LVRN: variants seen among roughly 807,000 people sequenced by gnomAD.
LVRN encodes the protein laeverin.
Under a neutral mutation model 111.4 loss-of-function variants are expected in LVRN, and 99 were observed. The observed-to-expected ratio is 0.89, with a 90% CI of 0.76 to 1.05. The LOEUF is 1.05. Among genes scored for constraint, LVRN ranks in the 50% least tolerant of loss-of-function variants. The pLI is 0.00. For synonymous variants in LVRN, 488 were observed against 449.5 expected (o/e 1.09, Z -1.08); for missense variants, 1,414 against 1,206.8 (o/e 1.17, Z -2.54).
intron 6 of LVRN, among the ~76,000 whole-genome samples, chr5:115,997,606 G>T (rs1748143659): frequency 6.6e-6 from 1 of 151,778 alleles, no homozygotes; most frequent in Admixed American, 6.6e-5. Flanking sequence ...TGAAGCTGCG[G>T]CGAGCTATGA....
chr5:115,978,857 T>C (rs1026826580), intron 1 of LVRN, among the ~76,000 whole-genome samples: 2 of 152,194 alleles, frequency 1.3e-5, no homozygotes, highest in African/African-American at 4.8e-5. Flanking sequence ...GACTTCTTAC[T>C]TGAGCTGGCA....
chr5:116,022,467 G>T lies in LVRN; in HGVS notation c.2832+1G>T, dbSNP rs1175866972. On this transcript the variant is annotated splice_donor_variant, in intron 19 of 19. Coordinates refer to ENST00000357872, the MANE Select transcript of LVRN (RefSeq NM_173800.5). LOFTEE classifies it high-confidence loss of function. ...AACTACAGATTTACAGATTGTGGAG[G>T]TAAGTACTTTAAATATTATGAAATA... 1.3e-6 allele frequency: 2 copies of T among 1,528,952 alleles called. No homozygotes were observed. Among genetic ancestry groups the T allele is most frequent in the Non-Finnish European group, 1.8e-6 (2 of 1,121,970 alleles). The allele number at this position is 1,528,952 out of a possible 1,614,324, so 94.7% of individuals were successfully genotyped here.
At chr5:116,010,246 C>A (rs1205808660) in intron 13 of LVRN, among the ~76,000 whole-genome samples, 1 of 152,090 alleles carries the variant, frequency 6.6e-6, no homozygotes, top group Non-Finnish European at 1.5e-5. Context: ...GTAAACATAA[C>A]TTTTATATGC....
At chr5:115,980,957 C>A (rs568112207) in intron 1 of LVRN, among the ~76,000 whole-genome samples, 3 of 152,066 alleles carry the variant, frequency 2.0e-5, no homozygotes, top group Non-Finnish European at 4.4e-5. Flanking sequence ...TTTTAGAGTT[C>A]TGAGTGGCCT....
rs886200330 is a variant in LVRN at position 115,994,247 on chromosome 5, G to A, written c.1374+393G>A. 1.3e-5 allele frequency among the ~76,000 whole-genome samples: 2 copies of A among 151,510 alleles called. 1 individual carries two copies. Among genetic ancestry groups the A allele is most frequent in the South Asian group, 4.2e-4 (2 of 4,790 alleles). ...ATATATTTCTTAGTCCTGCTATATAGACTATATATATATAGTCTAGGTCTT... is the reference window on the plus strand; with the variant it reads ...ATATATTTCTTAGTCCTGCTATATAAACTATATATATATAGTCTAGGTCTT... On this transcript the variant is annotated intron_variant, in intron 6 of 19. Transcript: ENST00000357872.
At chr5:116,009,093 G>T (rs919834293) in intron 13 of LVRN, among the ~76,000 whole-genome samples, 5 of 152,164 alleles carry the variant, frequency 3.3e-5, no homozygotes, top group African/African-American at 1.2e-4. Flanking sequence ...GCTTTAAGTT[G>T]AAGCCAATGC....
rs1406542315 is a variant in LVRN, at chr5:116,003,590, T to G, written c.2037+210T>G. Among the ~76,000 whole-genome samples the G allele has an allele frequency of 8.4e-4, 126 of 149,586 alleles. 4 individuals are homozygous for G. The South Asian group carries it at 0.023, about 28-fold the overall frequency. On this transcript the variant is annotated intron_variant, in intron 12 of 19. Transcript: ENST00000357872. ...GTGGTTTTTTTTTGTTTTTTTTGTTTTTTTTTTTTGAGACGGAGTCTTGCT... is the reference window on the plus strand; with the variant it reads ...GTGGTTTTTTTTTGTTTTTTTTGTTGTTTTTTTTTGAGACGGAGTCTTGCT...
intron 18 of LVRN, chr5:116,020,171 A>G (rs956302102): frequency 5.3e-5 from 8 of 152,192 alleles, no homozygotes; most frequent in African/African-American, 1.9e-4. Context: ...TGGTGTGGGA[A>G]AATTTAGTTA....
intron 14 of LVRN, among the ~76,000 whole-genome samples, 154 bp downstream of exon 14, chr5:116,011,048 A>T (rs1748480297): frequency 1.3e-5 from 1 of 78,538 alleles, no homozygotes; most frequent in African/African-American, 3.9e-5. Context: ...CATTTCCTTA[A>T]CAAGGGCTGA....
intron 18 of LVRN, chr5:116,021,124 C>T (rs762280724): frequency 3.9e-5 from 6 of 152,172 alleles, no homozygotes; most frequent in Non-Finnish European, 7.3e-5. Context: ...CTTCCATATA[C>T]ATTTTCTCAT....
intron 1 of LVRN, among the ~76,000 whole-genome samples, chr5:115,980,222 C>G (rs1753534446): frequency 6.6e-6 from 1 of 151,834 alleles, no homozygotes; most frequent in Non-Finnish European, 1.5e-5. Context: ...TTTCTGAAGT[C>G]AAAATATCGT....
At chr5:116,014,265 T>C (rs1201569371) in intron 15 of LVRN, among the ~76,000 whole-genome samples, 155 bp from the exon 16 acceptor site, 1 of 152,216 alleles carries the variant, frequency 6.6e-6, no homozygotes, top group Non-Finnish European at 1.5e-5. Flanking sequence ...TAAATACATC[T>C]GTCATCCACA....
intron 6 of LVRN, among the ~76,000 whole-genome samples, chr5:115,995,972 G>T (rs1000867055): frequency 7.6e-6 from 1 of 131,410 alleles, no homozygotes; most frequent in Non-Finnish European, 1.6e-5. Flanking sequence ...GTGTGTGTGT[G>T]TCTTTATCTG....
Position 116,003,337 on chromosome 5 carries a change from T to G in LVRN, c.1994T>G (p.Leu665Ter). 6.6e-7 allele frequency: 1 copy of G among 1,522,086 alleles called. No individual in the cohort carries two copies. The highest frequency in any genetic ancestry group is 8.9e-7 in the Non-Finnish European group (1 of 1,120,040). The allele number at this position is 1,522,086 out of a possible 1,614,324, so 94.3% of individuals were successfully genotyped here. The change falls in exon 12 of 20, where the codon TTA becomes TGA. Residue 665 changes from leucine to a stop codon, truncating the protein, a stop_gained. Coordinates refer to ENST00000357872, the MANE Select transcript of LVRN (RefSeq NM_173800.5). LOFTEE classifies it high-confidence loss of function. Reference sequence around the variant, plus strand: ...TATTATAGAGTTAATTATGATAAATTAGGTTGGAAGAAACTAAATCAACAA... The same window carrying G: ...TATTATAGAGTTAATTATGATAAATGAGGTTGGAAGAAACTAAATCAACAA... ...TGYYRVNYDK[L>*]GWKKLNQQLE...
intron 3 of LVRN, among the ~76,000 whole-genome samples, chr5:115,986,806 A>C (rs1489573776): frequency 2.6e-4 from 40 of 152,214 alleles, no homozygotes; most frequent in Admixed American, 2.4e-3. Context: ...AATAAAAGCA[A>C]AGTAAGACGA....
intron 1 of LVRN, among the ~76,000 whole-genome samples, chr5:115,971,494 T>C (rs1753325164): frequency 1.3e-5 from 2 of 152,170 alleles, no homozygotes; most frequent in South Asian, 4.1e-4. Context: ...AATTTTTGCA[T>C]ATGGTGTGAG....
At chr5:115,981,487 GT>G (rs1753559234) in intron 1 of LVRN, among the ~76,000 whole-genome samples, 1 of 151,984 alleles carries the variant, frequency 6.6e-6, no homozygotes, top group Non-Finnish European at 1.5e-5. Flanking sequence ...ATGTGTGGGG[GT>G]ACATGAGATA....
intron 13 of LVRN, among the ~76,000 whole-genome samples, chr5:116,008,082 C>T (rs1748414696): frequency 6.6e-6 from 1 of 152,188 alleles, no homozygotes; most frequent in Non-Finnish European, 1.5e-5. Context: ...TGGCTCATGC[C>T]TGTAATCCCA....
intron 6 of LVRN, among the ~76,000 whole-genome samples, chr5:115,998,146 TG>T (rs1456289446): frequency 6.6e-6 from 1 of 152,334 alleles, no homozygotes; most frequent in East Asian, 1.9e-4. Context: ...AAATCAATTA[TG>T]GGCCATTGAC....
Sources: gnomAD v4.1 joint callset for allele counts (sites outside exome capture counted in the v4.1 genomes callset) on GRCh38, gnomAD v4.1.1 for gene constraint, MANE v1.5 for transcripts, NCBI Gene and HGNC (gene_info 2026-07-23, HGNC 2026-07-21) for gene names.